Variants in CAB39L observed in about 807,000 individuals in gnomAD.
CAB39L encodes the protein calcium binding protein 39 like.
Under a neutral mutation model 39.1 loss-of-function variants are expected in CAB39L, and 23 were observed. The observed-to-expected ratio is 0.59, with a 90% CI of 0.42 to 0.83. The LOEUF is 0.83. Ranked by LOEUF, CAB39L falls within the 40% of genes least tolerant of loss-of-function variation. The pLI is 0.00. For synonymous variants in CAB39L, 126 were observed against 137.2 expected, an observed-to-expected ratio of 0.92 and a Z score of 0.57; for missense variants, 366 against 391.9, an observed-to-expected ratio of 0.93 and a Z score of 0.56.
chr13:49,379,101 G>T (rs1956195380), intron 4 of CAB39L, among the ~76,000 whole-genome samples: 1 of 48,374 alleles, frequency 2.1e-5, no homozygotes, highest in Non-Finnish European at 4.1e-5. Flanking sequence ...CCGGCCAGCC[G>T]CCCCGTCCGG....
At chr13:49,352,061 T>C (rs1427969684) in intron 6 of CAB39L, among the ~76,000 whole-genome samples, 1 of 152,154 alleles carries the variant, frequency 6.6e-6, no homozygotes, top group Non-Finnish European at 1.5e-5. Context: ...GAGAGACCTA[T>C]ATAAATATAT....
chr13:49,319,761 A>C (rs533797106), intron 10 of CAB39L, among the ~76,000 whole-genome samples: 30 of 151,960 alleles, frequency 2.0e-4, no homozygotes, highest in Non-Finnish European at 2.1e-4. Flanking sequence ...GTTGCTGTGA[A>C]GTTTTAGCTA....
At chr13:49,438,982 TCAC>T (rs1038526250) in intron 1 of CAB39L, among the ~76,000 whole-genome samples, 4 of 152,242 alleles carry the variant, frequency 2.6e-5, no homozygotes, top group African/African-American at 9.6e-5. Context: ...TACATAAACA[TCAC>T]CACTATCCTT....
intron 4 of CAB39L, among the ~76,000 whole-genome samples, chr13:49,381,396 G>C (rs11618854): frequency 0.55 from 82,871 of 151,938 alleles, 24,006 homozygotes; most frequent in African/African-American, 0.72. Flanking sequence ...AATAATAAAG[G>C]AAACATCTTT....
At chr13:49,424,974 C>T (rs1957221474) in intron 3 of CAB39L, among the ~76,000 whole-genome samples, 1 of 152,046 alleles carries the variant, frequency 6.6e-6, no homozygotes, top group Non-Finnish European at 1.5e-5. Flanking sequence ...CTACGATTGA[C>T]AAAATCCACA....
At chr13:49,437,606 C>A (rs571813844) in intron 1 of CAB39L, among the ~76,000 whole-genome samples, 1 of 152,280 alleles carries the variant, frequency 6.6e-6, no homozygotes, top group South Asian at 2.1e-4. Context: ...TTTTTACAGT[C>A]TCCACCTTGC....
chr13:49,357,441 T>C (rs1027844089), intron 6 of CAB39L, among the ~76,000 whole-genome samples: 1 of 152,176 alleles, frequency 6.6e-6, no homozygotes, highest in African/African-American at 2.4e-5. Flanking sequence ...TGTGAAGGAA[T>C]GAGTTAAAAG....
At chr13:49,405,535 G>C (rs145688671) in intron 3 of CAB39L, among the ~76,000 whole-genome samples, 258 of 152,112 alleles carry the variant, frequency 1.7e-3, no homozygotes, top group African/African-American at 5.7e-3. Context: ...AGCACTTTGG[G>C]AGGCTGAGAC....
At chr13:49,421,243 T>C (rs763709584) in intron 3 of CAB39L, among the ~76,000 whole-genome samples, 7 of 151,710 alleles carry the variant, frequency 4.6e-5, no homozygotes, top group Non-Finnish European at 7.4e-5. Flanking sequence ...CAAAGGAACA[T>C]GAAAGGGGCA....
At chr13:49,387,367 A>G (rs1473211854) in intron 3 of CAB39L, among the ~76,000 whole-genome samples, 9 of 152,234 alleles carry the variant, frequency 5.9e-5, no homozygotes, top group Admixed American at 5.9e-4. Flanking sequence ...TTTTAAGAAC[A>G]TACATTCTGT....
At chr13:49,366,740 G>T (rs989412440) in intron 5 of CAB39L, among the ~76,000 whole-genome samples, 1 of 151,756 alleles carries the variant, frequency 6.6e-6, no homozygotes. Context: ...AATCTGCCAG[G>T]CATGGTGGCT....
At chr13:49,328,370 A>G (rs74720169) in intron 10 of CAB39L, among the ~76,000 whole-genome samples, 2,467 of 152,292 alleles carry the variant, frequency 0.016, 72 homozygotes, top group African/African-American at 0.056. Context: ...TTATTGGCCA[A>G]TCAGGTTTCC....
intron 5 of CAB39L, among the ~76,000 whole-genome samples, chr13:49,362,076 GTATAA>G (rs1244958015): frequency 7.3e-5 from 11 of 151,342 alleles, no homozygotes; most frequent in African/African-American, 2.4e-4. Flanking sequence ...AATTAAGGAT[GTATAA>G]TATATGTTTT....
rs576491157 is a variant in CAB39L, at chr13:49,437,882, G to A, written c.-245-3659C>T. Among the ~76,000 whole-genome samples the A allele has an allele frequency of 3.9e-5, 6 of 152,190 alleles. No individual in the cohort carries two copies. The East Asian group carries it at 7.7e-4, about 20-fold the overall frequency. On this transcript the variant is annotated intron_variant, in intron 1 of 10. Transcript: ENST00000409308. Reference sequence around the variant, plus strand: ...GTTGCCCAGGCTGGAGTGCAGTGGCGCAATCACAGCTCACTGTAGCCTTGA... The same window carrying A: ...GTTGCCCAGGCTGGAGTGCAGTGGCACAATCACAGCTCACTGTAGCCTTGA...
intron 10 of CAB39L, among the ~76,000 whole-genome samples, chr13:49,328,359 T>C (rs1954565269): frequency 2.6e-5 from 4 of 152,220 alleles, no homozygotes. Flanking sequence ...AGAACACCTA[T>C]TTATTGGCCA....
At chr13:49,360,667 A>G (rs1383990110) in intron 5 of CAB39L, among the ~76,000 whole-genome samples, 1 of 152,114 alleles carries the variant, frequency 6.6e-6, no homozygotes, top group East Asian at 1.9e-4. Flanking sequence ...TAATCCCTAT[A>G]ATCCCTATGT....
At chr13:49,384,330 C>A (rs896023991) in intron 3 of CAB39L, among the ~76,000 whole-genome samples, 1 of 152,188 alleles carries the variant, frequency 6.6e-6, no homozygotes, top group African/African-American at 2.4e-5. Context: ...ATTCTTAATT[C>A]TTGTTCCCTT....
intron 5 of CAB39L, among the ~76,000 whole-genome samples, chr13:49,360,516 C>T (rs956938426): frequency 6.6e-6 from 1 of 152,220 alleles, no homozygotes; most frequent in Non-Finnish European, 1.5e-5. Context: ...GACCTGCACT[C>T]TCATACACCT....
chr13:49,330,164 G>A (rs1463994625), intron 10 of CAB39L, among the ~76,000 whole-genome samples: 2 of 152,166 alleles, frequency 1.3e-5, no homozygotes, highest in Non-Finnish European at 2.9e-5. Context: ...ACTGTACTCA[G>A]CATAATTTTT....
Sources: allele counts gnomAD v4.1 joint callset (sites outside exome capture counted in the v4.1 genomes callset), GRCh38; gene constraint gnomAD v4.1.1; transcripts MANE v1.5; gene names NCBI Gene and HGNC (gene_info 2026-07-23, HGNC 2026-07-21).